HPSE2: variants seen among roughly 807,000 people sequenced by gnomAD.
HPSE2 encodes inactive heparanase-2.
HPSE2 carries 38 observed loss-of-function variants against 60.5 expected under a neutral mutation model. The observed-to-expected ratio is 0.63, with a 90% confidence interval of 0.48 to 0.82. HPSE2 has a LOEUF of 0.82. HPSE2 is among the 40% of genes least tolerant of loss of function. The probability of loss-of-function intolerance (pLI) is 0.00; values close to 1 mark genes in which losing one functional copy is unlikely to be tolerated. For synonymous variants in HPSE2, 295 were observed against 293.2 expected (o/e 1.01, Z -0.06); for missense variants, 713 against 740.4 (o/e 0.96, Z 0.43).
At chr10:98,632,635 C>T (rs1340882990) in intron 7 of HPSE2, among the ~76,000 whole-genome samples, 1 of 152,156 alleles carries the variant, frequency 6.6e-6, no homozygotes, top group Non-Finnish European at 1.5e-5. Context: ...CAAGTGGGGT[C>T]ACAGAGGCTA....
intron 3 of HPSE2, among the ~76,000 whole-genome samples, chr10:98,982,303 G>A (rs1956225855): frequency 6.6e-6 from 1 of 152,016 alleles, no homozygotes; most frequent in Admixed American, 6.6e-5. Context: ...AAAACTGCCA[G>A]GTTCGAAGAT....
chr10:99,086,333 G>A (rs1192474395), intron 3 of HPSE2, among the ~76,000 whole-genome samples: 1 of 149,190 alleles, frequency 6.7e-6, no homozygotes, highest in African/African-American at 2.4e-5. Flanking sequence ...GTGGTAATAC[G>A]GAAAAGTACT....
chr10:98,613,900 A>G (rs757497941), intron 9 of HPSE2, among the ~76,000 whole-genome samples: 3 of 152,152 alleles, frequency 2.0e-5, no homozygotes, highest in Non-Finnish European at 4.4e-5. Context: ...CCCGTGTAAT[A>G]TTTCTGATAA....
At chr10:99,303,037 T>C in the HPSE2 span, among the ~76,000 whole-genome samples, 6 of 152,094 alleles carry the variant, frequency 3.9e-5, no homozygotes, top group South Asian at 2.1e-4. Context: ...ATCCCACGAT[T>C]TGGATTACCT....
chr10:98,761,355 C>T (rs1178274149), intron 3 of HPSE2, among the ~76,000 whole-genome samples: 5 of 152,036 alleles, frequency 3.3e-5, no homozygotes, highest in Non-Finnish European at 5.9e-5. Context: ...TTGATCTTTT[C>T]TATTTGTTTC....
At chr10:98,943,315 TA>T (rs1344602269) in intron 3 of HPSE2, among the ~76,000 whole-genome samples, 1 of 151,404 alleles carries the variant, frequency 6.6e-6, no homozygotes, top group Non-Finnish European at 1.5e-5. Flanking sequence ...AGGATGAGGG[TA>T]AAAATGGGAG....
At chr10:99,015,975 C>A (rs2135413660) in intron 3 of HPSE2, among the ~76,000 whole-genome samples, 1 of 152,126 alleles carries the variant, frequency 6.6e-6, no homozygotes, top group Non-Finnish European at 1.5e-5. Flanking sequence ...CAAAAATGTT[C>A]TACCATTCTG....
the HPSE2 span, among the ~76,000 whole-genome samples, chr10:99,284,825 C>T: frequency 3.3e-5 from 5 of 151,928 alleles, no homozygotes; most frequent in African/African-American, 4.8e-5. Context: ...AACCTAAATG[C>T]CCATCAATGA....
intron 9 of HPSE2, among the ~76,000 whole-genome samples, chr10:98,554,456 C>T (rs1449283601): frequency 6.6e-6 from 1 of 152,180 alleles, no homozygotes; most frequent in African/African-American, 2.4e-5. Flanking sequence ...ATTGCTGTGT[C>T]TGTACTTCAT....
intron 3 of HPSE2, among the ~76,000 whole-genome samples, chr10:98,984,807 G>C (rs1956297482): frequency 1.3e-5 from 2 of 152,200 alleles, no homozygotes; most frequent in South Asian, 4.1e-4. Context: ...GGACCTGATG[G>C]AGCTGAAAAC....
At chr10:98,604,932 T>C (rs1945533846) in intron 9 of HPSE2, among the ~76,000 whole-genome samples, 1 of 152,204 alleles carries the variant, frequency 6.6e-6, no homozygotes, top group Non-Finnish European at 1.5e-5. Flanking sequence ...GAACTCCTGG[T>C]CTTCCAGTAG....
intron 6 of HPSE2, among the ~76,000 whole-genome samples, chr10:98,683,928 G>T (rs958485241): frequency 6.6e-6 from 1 of 152,060 alleles, no homozygotes; most frequent in African/African-American, 2.4e-5. Context: ...GCAGGACCAA[G>T]AAAAGGATTG....
At position 98,641,919 on chromosome 10, in the gene HPSE2, C is replaced by G; in HGVS notation, c.1026G>C (p.Val342=). Residue 342 remains valine (V), a synonymous_variant, in exon 7 of 12, where the codon GTG becomes GTC. Transcript: ENST00000370552. ...TTTTCAGGAAGTCCATCACCTTGAC[C>G]ACCCGGCCATCAATGTAGCAACTGG... The part of the protein sequence containing the change: ...TWQHCYIDGR[V]VKVMDFLKTR... The G allele has an allele frequency of 6.2e-7, 1 of 1,613,668 alleles. No homozygotes were observed. The highest frequency in any genetic ancestry group is 8.5e-7 in the Non-Finnish European group (1 of 1,179,730).
rs180896087 is a variant in HPSE2 at position 98,714,286 on chromosome 10, G to T, written c.956+7371C>A. Among the ~76,000 whole-genome samples, 4 of 151,886 alleles carry T rather than the reference G, an allele frequency of 2.6e-5. No homozygotes were observed. In the East Asian group the frequency reaches 7.7e-4, roughly 29 times the overall value. On this transcript the variant is annotated intron_variant, in intron 5 of 11. Coordinates refer to ENST00000370552, the MANE Select transcript of HPSE2 (RefSeq NM_021828.5). Reference sequence around the variant, plus strand: ...TAGTTTTTATTATATTGTAAGTGTTGTGCAACCATTAACAATCTAATTCTA... The same window carrying T: ...TAGTTTTTATTATATTGTAAGTGTTTTGCAACCATTAACAATCTAATTCTA...
intron 2 of HPSE2, among the ~76,000 whole-genome samples, chr10:99,171,556 C>A (rs1407405816): frequency 2.0e-5 from 3 of 152,100 alleles, no homozygotes; most frequent in South Asian, 2.1e-4. Flanking sequence ...AAAAAAACAA[C>A]CTTATAAGAA....
chr10:98,594,456 T>A (rs1444645633), intron 9 of HPSE2, among the ~76,000 whole-genome samples: 1 of 152,162 alleles, frequency 6.6e-6, no homozygotes, highest in South Asian at 2.1e-4. Context: ...ATGGTTTTTT[T>A]AGTGGAGTCT....
the HPSE2 span, among the ~76,000 whole-genome samples, chr10:99,268,875 C>T: frequency 2.0e-5 from 3 of 152,058 alleles, no homozygotes; most frequent in African/African-American, 7.2e-5. Flanking sequence ...AATTCACGGG[C>T]CAGGCATGGT....
At chr10:99,004,180 C>A (rs1289366128) in intron 3 of HPSE2, among the ~76,000 whole-genome samples, 1 of 151,724 alleles carries the variant, frequency 6.6e-6, no homozygotes, top group Admixed American at 6.6e-5. Context: ...GTTGGCCCAG[C>A]TTTTTTTTAA....
intron 9 of HPSE2, among the ~76,000 whole-genome samples, chr10:98,600,911 G>GTATATATGTGTGTGTATATATA (rs576143051): frequency 4.1e-5 from 3 of 73,722 alleles, no homozygotes; most frequent in African/African-American, 1.1e-4. Flanking sequence ...ATGTGTGTGT[G>GTATATATGTGTGTGTATATATA]TATATATATA....
Sources: gnomAD v4.1 joint callset for allele counts (sites outside exome capture counted in the v4.1 genomes callset) on GRCh38, gnomAD v4.1.1 for gene constraint, MANE v1.5 for transcripts, NCBI Gene and HGNC (gene_info 2026-07-23, HGNC 2026-07-21) for gene names.